EYS: variants seen among roughly 807,000 people sequenced by gnomAD.
The protein encoded by EYS is protein eyes shut homolog.
In EYS, 250 loss-of-function variants were observed where a neutral mutation model predicts 282.1. The observed-to-expected ratio is 0.89, with a 90% CI of 0.80 to 0.98. The LOEUF is 0.98. Among genes scored for constraint, EYS ranks in the 50% least tolerant of loss-of-function variants. The probability of loss-of-function intolerance (pLI) is 0.00; values close to 1 mark genes in which losing one functional copy is unlikely to be tolerated. For synonymous variants in EYS, 1,355 were observed against 1,282.9 expected, an observed-to-expected ratio of 1.06 and a Z score of -1.20; for missense variants, 4,016 against 3,709.0, an observed-to-expected ratio of 1.08 and a Z score of -2.15.
At chr6:65,082,187 C>T (rs966944261) in intron 12 of EYS, among the ~76,000 whole-genome samples, 2 of 152,152 alleles carry the variant, frequency 1.3e-5, no homozygotes, top group East Asian at 1.9e-4. Context: ...CATAAATGAT[C>T]TAACCTAGTC....
intron 24 of EYS, among the ~76,000 whole-genome samples, chr6:64,614,769 T>C (rs566547962): frequency 6.6e-6 from 1 of 152,226 alleles, no homozygotes; most frequent in Non-Finnish European, 1.5e-5. Context: ...CAGCGTTGAA[T>C]AGATCATGTA....
chr6:64,535,599 G>T (rs917171153), intron 26 of EYS, among the ~76,000 whole-genome samples: 2 of 151,500 alleles, frequency 1.3e-5, no homozygotes, highest in Non-Finnish European at 1.5e-5. Flanking sequence ...AAATCAGCCA[G>T]TGTGGTGGTG....
At chr6:65,000,662 C>T (rs1771433740) in intron 13 of EYS, among the ~76,000 whole-genome samples, 1 of 152,116 alleles carries the variant, frequency 6.6e-6, no homozygotes, top group South Asian at 2.1e-4. Context: ...CCTGTAGTCC[C>T]AGCTACTTGG....
At chr6:65,090,154 T>C (rs2150177085) in intron 12 of EYS, among the ~76,000 whole-genome samples, 1 of 152,140 alleles carries the variant, frequency 6.6e-6, no homozygotes, top group Non-Finnish European at 1.5e-5. Context: ...CATCTTGAAT[T>C]GTAATACCCA....
intron 35 of EYS, among the ~76,000 whole-genome samples, chr6:63,971,212 G>C (rs1278547603): frequency 6.6e-6 from 1 of 152,136 alleles, no homozygotes; most frequent in Non-Finnish European, 1.5e-5. Context: ...AATCTCTTCT[G>C]TCTATTTCAA....
chr6:64,559,284 T>C (rs1223214101), intron 26 of EYS, among the ~76,000 whole-genome samples: 2 of 151,320 alleles, frequency 1.3e-5, no homozygotes, highest in Non-Finnish European at 3.0e-5. Flanking sequence ...TGTGTGTGTG[T>C]GTGTGTGTGT....
intron 5 of EYS, among the ~76,000 whole-genome samples, chr6:65,452,953 A>C (rs1401098884): frequency 2.0e-5 from 3 of 152,014 alleles, no homozygotes; most frequent in Non-Finnish European, 4.4e-5. Context: ...GACATGAAGG[A>C]CATTAGATCA....
At chr6:63,851,141 G>A (rs528988733) in intron 36 of EYS, among the ~76,000 whole-genome samples, 5 of 152,230 alleles carry the variant, frequency 3.3e-5, no homozygotes, top group East Asian at 3.9e-4. Context: ...AAATATATAC[G>A]CACCCAATAC....
At chr6:63,949,355 T>G (rs1213370996) in intron 35 of EYS, among the ~76,000 whole-genome samples, 1 of 152,160 alleles carries the variant, frequency 6.6e-6, no homozygotes, top group Non-Finnish European at 1.5e-5. Context: ...ATTTCTTAAA[T>G]TTTCTAGGTT....
intron 23 of EYS, 25 bp from the exon 24 acceptor site, chr6:64,617,558 A>G (rs1767313219): frequency 1.5e-6 from 2 of 1,321,260 alleles, no homozygotes; most frequent in Admixed American, 2.1e-5. Context: ...TACAAAGCAG[A>G]TATGCAATTT....
intron 13 of EYS, among the ~76,000 whole-genome samples, chr6:65,000,834 A>T (rs1771439636): frequency 6.6e-6 from 1 of 152,230 alleles, no homozygotes; most frequent in South Asian, 2.1e-4. Context: ...GGTGTTCAAG[A>T]TTTACAGACT....
chr6:63,887,680 C>A (rs945744149), intron 35 of EYS, among the ~76,000 whole-genome samples: 1 of 152,212 alleles, frequency 6.6e-6, no homozygotes, highest in South Asian at 2.1e-4. Flanking sequence ...GAGATTCCCT[C>A]GGGTGCCCAC....
intron 13 of EYS, among the ~76,000 whole-genome samples, chr6:65,046,842 A>G (rs762228586): frequency 9.9e-5 from 15 of 151,926 alleles, no homozygotes; most frequent in Non-Finnish European, 4.4e-5. Flanking sequence ...TGTTTGTATT[A>G]TGGGGGCAGA....
intron 12 of EYS, among the ~76,000 whole-genome samples, chr6:65,266,992 A>G (rs1308189260): frequency 6.7e-6 from 1 of 148,984 alleles, no homozygotes; most frequent in East Asian, 2.0e-4. Context: ...ATATATATAG[A>G]GAGAGAGAGA....
At chr6:65,161,241 AT>A (rs1347925283) in intron 12 of EYS, among the ~76,000 whole-genome samples, 1 of 150,716 alleles carries the variant, frequency 6.6e-6, no homozygotes, top group Non-Finnish European at 1.5e-5. Context: ...TTCCTGATCC[AT>A]TTTTCTGCCA....
In EYS at chr6:64,066,394, C is replaced by G. The variant is rs1295742707; in HGVS notation, c.6669G>C (p.Leu2223Phe). Reference protein sequence around the residue: ...KYGCGNSQNILTVSANYSINT... With the variant: ...KYGCGNSQNIFTVSANYSINT... ...TAATGCTGTAATTAGCAGAAACAGT[C>G]AAAATATTTTGAGAATTTCCACACC... Residue 2223 changes from leucine (L) to phenylalanine (F), a missense_variant, in exon 33 of 43, where the codon TTG becomes TTC. Physicochemically the swap from Leu to Phe is conservative, Grantham distance 22 (BLOSUM62 0). Coordinates refer to ENST00000503581, the MANE Select transcript of EYS (RefSeq NM_001142800.2). 3.9e-6 allele frequency: 6 copies of G among 1,551,218 alleles called. No individual in the cohort carries two copies. The highest frequency in any genetic ancestry group is 5.2e-6 in the Non-Finnish European group (6 of 1,146,644).
At chr6:64,312,741 G>C (rs950242997) in intron 29 of EYS, among the ~76,000 whole-genome samples, 1 of 152,190 alleles carries the variant, frequency 6.6e-6, no homozygotes, top group Non-Finnish European at 1.5e-5. Context: ...AGGAAAACAG[G>C]ATCTGGAGTG....
At chr6:63,970,098 G>A (rs1405883804) in intron 35 of EYS, among the ~76,000 whole-genome samples, 20 of 152,172 alleles carry the variant, frequency 1.3e-4, no homozygotes, top group Admixed American at 1.3e-3. Flanking sequence ...ACTTTCCCTG[G>A]AGACATGGCG....
At chr6:65,268,751 A>G (rs1304823467) in intron 12 of EYS, among the ~76,000 whole-genome samples, 3 of 152,058 alleles carry the variant, frequency 2.0e-5, no homozygotes, top group Non-Finnish European at 4.4e-5. Flanking sequence ...AAACTGCTAG[A>G]ACTAAACGCA....
Sources: allele counts gnomAD v4.1 joint callset (sites outside exome capture counted in the v4.1 genomes callset), GRCh38; gene constraint gnomAD v4.1.1; transcripts MANE v1.5; gene names NCBI Gene and HGNC (gene_info 2026-07-23, HGNC 2026-07-21).